The following RBFOX1 variants were observed in gnomAD, a reference collection of about 807,000 sequenced individuals.
RBFOX1 encodes RNA binding fox-1 homolog 1, also known as RNA binding protein fox-1 homolog 1.
In RBFOX1, 8 loss-of-function variants were observed where a neutral mutation model predicts 57.7. The observed-to-expected ratio is 0.14, with a 90% CI of 0.08 to 0.25. The LOEUF (loss-of-function observed/expected upper bound fraction) is 0.25, where lower values mean the gene tolerates loss of function less well. Ranked by LOEUF, RBFOX1 falls within the 10% of genes least tolerant of loss-of-function variation. The pLI is 1.00. For synonymous variants in RBFOX1, 326 were observed against 222.4 expected (o/e 1.47, Z -4.15); for missense variants, 611 against 548.5 (o/e 1.11, Z -1.14).
chr16:7,415,038 T>A (rs541357509), intron 4 of RBFOX1, among the ~76,000 whole-genome samples: 6 of 152,382 alleles, frequency 3.9e-5, no homozygotes, highest in South Asian at 4.1e-4. Context: ...GATGGCTCTT[T>A]CTATACTCTA....
At chr16:7,257,988 C>T (rs891665016) in intron 4 of RBFOX1, among the ~76,000 whole-genome samples, 3 of 152,122 alleles carry the variant, frequency 2.0e-5, no homozygotes, top group African/African-American at 7.2e-5. Flanking sequence ...AATTCTGTAT[C>T]GACACAACTC....
chr16:7,096,286 T>A (rs1274240273), intron 4 of RBFOX1, among the ~76,000 whole-genome samples: 1 of 152,152 alleles, frequency 6.6e-6, no homozygotes, highest in Non-Finnish European at 1.5e-5. Flanking sequence ...GGCTGAGATA[T>A]CTGAGAAGTC....
chr16:7,386,016 C>G (rs934792738), intron 4 of RBFOX1, among the ~76,000 whole-genome samples: 3 of 151,544 alleles, frequency 2.0e-5, no homozygotes, highest in African/African-American at 4.9e-5. Context: ...GTCTCGAACT[C>G]CTGACCTCGT....
chr16:6,096,237 G>A (rs2096243946), intron 1 of RBFOX1, among the ~76,000 whole-genome samples: 1 of 152,184 alleles, frequency 6.6e-6, no homozygotes, highest in Non-Finnish European at 1.5e-5. Flanking sequence ...TCCATAGTGG[G>A]AAGGAGAAAA....
chr16:6,773,406 T>C (rs2078760337), intron 3 of RBFOX1, among the ~76,000 whole-genome samples: 1 of 148,876 alleles, frequency 6.7e-6, no homozygotes, highest in Non-Finnish European at 1.5e-5. Context: ...TGTGTGTATC[T>C]ATGTGTATGT....
At chr16:7,086,754 T>C (rs141596445) in intron 4 of RBFOX1, among the ~76,000 whole-genome samples, 418 of 31,508 alleles carry the variant, frequency 0.013, 3 homozygotes, top group African/African-American at 0.069. Context: ...TAAAATTTGG[T>C]CTTCTAATGA....
chr16:6,933,186 A>G (rs2076834729), intron 3 of RBFOX1, among the ~76,000 whole-genome samples: 1 of 152,198 alleles, frequency 6.6e-6, no homozygotes, highest in Admixed American at 6.5e-5. Context: ...GTTACTGTGA[A>G]TGATGCTATG....
At chr16:6,919,700 C>G (rs998802202) in intron 3 of RBFOX1, among the ~76,000 whole-genome samples, 10 of 150,686 alleles carry the variant, frequency 6.6e-5, no homozygotes, top group African/African-American at 2.4e-4. Flanking sequence ...GTCATCAGCA[C>G]TGATATATTG....
At chr16:6,665,373 G>A (rs2098725473) in intron 3 of RBFOX1, among the ~76,000 whole-genome samples, 1 of 152,186 alleles carries the variant, frequency 6.6e-6, no homozygotes, top group Non-Finnish European at 1.5e-5. Flanking sequence ...CAGCCCTTTG[G>A]GAGGCCCAGG....
chr16:7,709,925 C>A lies in RBFOX1; in HGVS notation c.1072-698C>A, dbSNP rs918913229. 2.9e-6 allele frequency: 3 copies of A among 1,040,558 alleles called. No homozygotes were observed. In the South Asian group the frequency reaches 1.1e-4, roughly 39 times the overall value. The allele number at this position is 1,040,558 out of a possible 1,614,324, so 64.5% of individuals were successfully genotyped here. A position where few individuals can be genotyped will look rare whatever the true frequency, so the allele number is the denominator to read the frequency against. On this transcript the variant is annotated intron_variant, in intron 15 of 15. Coordinates refer to ENST00000550418, the MANE Select transcript of RBFOX1 (RefSeq NM_018723.4). ...AGTTTTCTGCTTGGATCAAGAATAT[C>A]AGTCCTTACCCTAAAAATGAATCCC...
intron 14 of RBFOX1, among the ~76,000 whole-genome samples, chr16:7,688,419 G>T (rs1385952630): frequency 6.6e-6 from 1 of 151,988 alleles, no homozygotes; most frequent in African/African-American, 2.4e-5. Context: ...TTGCCCATAA[G>T]ACTTAAAGAC....
intron 4 of RBFOX1, among the ~76,000 whole-genome samples, chr16:7,124,819 A>T (rs1298389033): frequency 1.3e-5 from 2 of 152,008 alleles, no homozygotes; most frequent in Admixed American, 6.6e-5. Context: ...GACAGTCCGT[A>T]TCCTGTTTCT....
At chr16:7,546,633 T>C (rs1232507336) in intron 5 of RBFOX1, among the ~76,000 whole-genome samples, 1 of 152,220 alleles carries the variant, frequency 6.6e-6, no homozygotes, top group East Asian at 1.9e-4. Context: ...CTATACTGTT[T>C]TGTGGATTTC....
intron 4 of RBFOX1, among the ~76,000 whole-genome samples, chr16:7,417,752 A>C (rs1012927217): frequency 3.9e-5 from 6 of 152,186 alleles, no homozygotes; most frequent in African/African-American, 1.4e-4. Flanking sequence ...CAAGAATGCT[A>C]TATAAAAAGT....
intron 4 of RBFOX1, among the ~76,000 whole-genome samples, chr16:7,088,018 C>A (rs929498624): frequency 6.6e-6 from 1 of 152,162 alleles, no homozygotes; most frequent in African/African-American, 2.4e-5. Context: ...AATAATCTTG[C>A]ACTGGTATAG....
intron 5 of RBFOX1, among the ~76,000 whole-genome samples, chr16:7,570,265 C>T (rs1288905270): frequency 1.3e-5 from 2 of 151,882 alleles, no homozygotes. Context: ...CCTTCACCAG[C>T]ATCCTTGAGC....
chr16:6,792,077 A>G (rs1054058745), intron 3 of RBFOX1, among the ~76,000 whole-genome samples: 3 of 152,186 alleles, frequency 2.0e-5, no homozygotes, highest in African/African-American at 7.2e-5. Context: ...TATATTACTG[A>G]TAATACCTAA....
At chr16:6,809,607 A>G (rs1405251791) in intron 3 of RBFOX1, among the ~76,000 whole-genome samples, 1 of 152,156 alleles carries the variant, frequency 6.6e-6, no homozygotes, top group East Asian at 1.9e-4. Context: ...TTGGTACAGA[A>G]TTGCTACCCC....
intron 4 of RBFOX1, among the ~76,000 whole-genome samples, chr16:7,327,424 A>G (rs1347221675): frequency 6.6e-6 from 1 of 152,192 alleles, no homozygotes; most frequent in Non-Finnish European, 1.5e-5. Flanking sequence ...TCCATTACCC[A>G]CTTTTGTCTG....
Sources: gnomAD v4.1 joint callset for allele counts (sites outside exome capture counted in the v4.1 genomes callset) on GRCh38, gnomAD v4.1.1 for gene constraint, MANE v1.5 for transcripts, NCBI Gene and HGNC (gene_info 2026-07-23, HGNC 2026-07-21) for gene names.